The following PLEKHM3 variants were observed in gnomAD, a reference collection of about 807,000 sequenced individuals.
PLEKHM3 encodes pleckstrin homology domain containing M3.
PLEKHM3 carries 45 observed loss-of-function variants against 81.8 expected under a neutral mutation model. The observed-to-expected ratio is 0.55, with a 90% CI of 0.43 to 0.71. The LOEUF (loss-of-function observed/expected upper bound fraction) is 0.71, where lower values mean the gene tolerates loss of function less well. Among genes scored for constraint, PLEKHM3 ranks in the 30% least tolerant of loss-of-function variants. The pLI, the probability that PLEKHM3 is intolerant of heterozygous loss-of-function variation, is 0.00. For missense variants in PLEKHM3, 788 were observed against 924.3 expected (o/e 0.85, Z 1.91); for synonymous variants, 352 against 356.4 (o/e 0.99, Z 0.14).
chr2:207,841,480 A>ATATATAT (rs1284378924), intron 7 of PLEKHM3, among the ~76,000 whole-genome samples: 8 of 37,312 alleles, frequency 2.1e-4, no homozygotes, highest in Non-Finnish European at 2.8e-4. Flanking sequence ...AAAAAAAAAA[A>ATATATAT]ATATATATAT....
At chr2:207,908,452 A>C in intron 6 of PLEKHM3, 62 bp downstream of exon 6, 1 of 1,485,902 alleles carries the variant, frequency 6.7e-7, no homozygotes, top group Non-Finnish European at 9.3e-7. Flanking sequence ...CAAAGACCAA[A>C]GTCAACAAAG....
chr2:207,878,316 C>T (rs1216719918), intron 6 of PLEKHM3, among the ~76,000 whole-genome samples: 5 of 151,714 alleles, frequency 3.3e-5, no homozygotes, highest in Non-Finnish European at 5.9e-5. Flanking sequence ...AAAAAAAAAA[C>T]TATTATTTCT....
At chr2:207,931,140 G>T in intron 4 of PLEKHM3, 21 bp from the exon 5 acceptor site, 2 of 1,592,170 alleles carry the variant, frequency 1.3e-6, no homozygotes, top group Non-Finnish European at 8.6e-7. Flanking sequence ...AGCGTCGTCA[G>T]TCAGTCCTGG....
chr2:207,936,970 A>T (rs981833903), intron 4 of PLEKHM3, among the ~76,000 whole-genome samples: 5 of 152,066 alleles, frequency 3.3e-5, no homozygotes, highest in East Asian at 1.9e-4. Flanking sequence ...AGCACAGGGT[A>T]TATACTATAT....
At position 207,843,283 on chromosome 2, in the gene PLEKHM3, G is replaced by A. The variant is rs2092364772; in HGVS notation, c.2109-14787C>T. 6.6e-6 allele frequency among the ~76,000 whole-genome samples: 1 copy of A among 152,078 alleles called. No homozygotes were observed. Among genetic ancestry groups the A allele is most frequent in the Admixed American group, 6.5e-5 (1 of 15,268 alleles). On this transcript the variant is annotated intron_variant, in intron 7 of 7. Transcript: ENST00000427836. This position sits in a 1 kb window ranked among gnomAD's most constrained non-coding sequence, Gnocchi z 4.4. ...GGGGCTTTTCCTTTTCATTGTCTTT[G>A]GGTAGCAGCCTGCCTGAGCCACCTC...
intron 6 of PLEKHM3, among the ~76,000 whole-genome samples, chr2:207,865,600 A>C (rs1001319851): frequency 6.6e-6 from 1 of 151,152 alleles, no homozygotes; most frequent in Non-Finnish European, 1.5e-5. Flanking sequence ...CAACATGGTG[A>C]AACCCCATCT....
chr2:207,880,489 C>T (rs187014873), intron 6 of PLEKHM3, among the ~76,000 whole-genome samples: 22 of 150,742 alleles, frequency 1.5e-4, no homozygotes, highest in African/African-American at 3.9e-4. Flanking sequence ...AGAGGCCGGG[C>T]GCGGTGGCTC....
rs1691361129 is a variant in PLEKHM3, at chr2:207,977,522, G to A, written c.675C>T (p.Asp225=). The change falls in exon 3 of 8, where the codon GAC becomes GAT. Residue 225 remains aspartate, a synonymous_variant. Coordinates refer to ENST00000427836, the MANE Select transcript of PLEKHM3 (RefSeq NM_001080475.3). The stretch of plus-strand genomic sequence containing the variant: ...CTGCATAACAGCTTTGCCAGTAACT[G>A]TCATGGTCCTTTCTAATCTCCAGGT... ...KGYLEIRKDH[D]SYWQSCYAEL... 1.9e-6 allele frequency: 3 copies of A among 1,614,076 alleles called. No individual in the cohort carries two copies. The highest frequency in any genetic ancestry group is 1.7e-5 in the Admixed American group (1 of 60,008).
intron 3 of PLEKHM3, among the ~76,000 whole-genome samples, chr2:207,964,671 A>G (rs1042396083): frequency 9.2e-5 from 14 of 152,232 alleles, no homozygotes; most frequent in African/African-American, 3.1e-4. Context: ...GAACATGGTC[A>G]AACATCAGCT....
intron 7 of PLEKHM3, among the ~76,000 whole-genome samples, chr2:207,858,892 A>G (rs1331468039): frequency 1.3e-5 from 2 of 152,072 alleles, no homozygotes; most frequent in African/African-American, 4.8e-5. Context: ...CCATTACCAC[A>G]ATCTAATTCC....
At chr2:207,833,622 G>GTCC (rs2092301058) in intron 7 of PLEKHM3, among the ~76,000 whole-genome samples, 2 of 152,144 alleles carry the variant, frequency 1.3e-5, no homozygotes, top group South Asian at 4.1e-4. Flanking sequence ...ATCATAGGAT[G>GTCC]TGTAGCAGCA....
At chr2:207,967,642 A>G (rs927236074) in intron 3 of PLEKHM3, among the ~76,000 whole-genome samples, 2 of 152,254 alleles carry the variant, frequency 1.3e-5, no homozygotes, top group African/African-American at 4.8e-5. Flanking sequence ...TGCAAAAGTT[A>G]TAGCGGCTTT....
intron 5 of PLEKHM3, chr2:207,930,062 T>C: frequency 1.9e-6 from 1 of 513,222 alleles, no homozygotes; most frequent in Non-Finnish European, 3.4e-6. Flanking sequence ...ATAAAATCTG[T>C]CTGTAAAAAA....
At chr2:207,834,434 CTTT>C (rs71412444) in intron 7 of PLEKHM3, among the ~76,000 whole-genome samples, 5 of 134,228 alleles carry the variant, frequency 3.7e-5, no homozygotes, top group Admixed American at 1.5e-4. Context: ...CCAGCCTCTT[CTTT>C]TTTTTTTTTT....
intron 6 of PLEKHM3, among the ~76,000 whole-genome samples, chr2:207,897,026 C>A (rs895672542): frequency 4.6e-5 from 7 of 152,184 alleles, no homozygotes; most frequent in Non-Finnish European, 1.0e-4. Flanking sequence ...CTCACTCAAG[C>A]GCAGGCCTAG....
rs561735793 is a variant in PLEKHM3, at chr2:207,941,752, A to G, written c.1692+4615T>C. Among the ~76,000 whole-genome samples, 4 of 152,364 alleles carry G rather than the reference A, an allele frequency of 2.6e-5. No individual in the cohort carries two copies. In the South Asian group the frequency reaches 8.3e-4, roughly 32 times the overall value. ...CAAGGGATTAATAACCAGAATACAT[A>G]AGCAACTCAACCCAGTAGCAACAAA... On this transcript the variant is annotated intron_variant, in intron 4 of 7. Transcript: ENST00000427836.
chr2:207,839,526 T>C (rs1440838578), intron 7 of PLEKHM3, among the ~76,000 whole-genome samples: 5 of 152,192 alleles, frequency 3.3e-5, no homozygotes, highest in African/African-American at 4.8e-5. Context: ...TCTTCAAAGA[T>C]GGTAACCATA....
At chr2:207,862,688 T>C (rs1200258151) in intron 6 of PLEKHM3, among the ~76,000 whole-genome samples, 3 of 152,066 alleles carry the variant, frequency 2.0e-5, no homozygotes, top group African/African-American at 7.2e-5. Flanking sequence ...AAATGTAGTA[T>C]AAATCATACC....
chr2:207,849,979 T>C (rs1011460010), intron 7 of PLEKHM3, among the ~76,000 whole-genome samples: 3 of 152,186 alleles, frequency 2.0e-5, no homozygotes, highest in Non-Finnish European at 4.4e-5. Flanking sequence ...CTAGGAAACA[T>C]GGCACTGGCA....
Sources: allele counts gnomAD v4.1 joint callset (sites outside exome capture counted in the v4.1 genomes callset), GRCh38; gene constraint gnomAD v4.1.1; non-coding constraint Gnocchi (gnomAD v3.1); transcripts MANE v1.5; gene names NCBI Gene and HGNC (gene_info 2026-07-23, HGNC 2026-07-21).